Variants in WWOX observed in about 807,000 individuals in gnomAD.
WWOX encodes the protein WW domain-containing oxidoreductase.
Under a neutral mutation model 46.2 loss-of-function variants are expected in WWOX, and 69 were observed. That is an observed-to-expected ratio of 1.49 (90% CI 1.23 to 1.82). The LOEUF is 1.82. Among genes scored for constraint, WWOX ranks in the 40% most tolerant of loss-of-function variants. WWOX has a pLI of 0.00. For missense variants in WWOX, 919 were observed against 542.6 expected, an observed-to-expected ratio of 1.69 and a Z score of -6.89; for synonymous variants, 359 against 202.6, an observed-to-expected ratio of 1.77 and a Z score of -6.56.
intron 8 of WWOX, among the ~76,000 whole-genome samples, chr16:78,974,204 C>G (rs1567451523): frequency 6.6e-6 from 1 of 152,172 alleles, no homozygotes; most frequent in Non-Finnish European, 1.5e-5. Context: ...AGAAGGCAAG[C>G]GTACTCTTCA....
intron 8 of WWOX, among the ~76,000 whole-genome samples, chr16:78,974,328 G>A (rs11150123): frequency 0.46 from 70,530 of 151,986 alleles, 16,568 homozygotes; most frequent in African/African-American, 0.54. Flanking sequence ...ATAAAGCAGG[G>A]GAATTTTGTG....
chr16:78,100,240 A>T (rs2031673972), intron 1 of WWOX: 1 of 1,130,172 alleles, frequency 8.8e-7, no homozygotes, highest in Non-Finnish European at 1.1e-6. Context: ...TTGCAGGGAT[A>T]GGAGTTTTGT....
chr16:78,462,676 T>TGA (rs1361416567), intron 8 of WWOX, among the ~76,000 whole-genome samples: 4 of 152,202 alleles, frequency 2.6e-5, no homozygotes, highest in African/African-American at 9.6e-5. Context: ...AATAGAGTCA[T>TGA]AATTGGTGAT....
chr16:79,055,377 T>A (rs147907817), intron 8 of WWOX, among the ~76,000 whole-genome samples: 79 of 152,328 alleles, frequency 5.2e-4, no homozygotes, highest in Non-Finnish European at 9.8e-4. Context: ...GCTGCACTTA[T>A]TCGTTTGCTT....
At chr16:78,853,623 C>G (rs555162810) in intron 8 of WWOX, among the ~76,000 whole-genome samples, 11 of 152,182 alleles carry the variant, frequency 7.2e-5, no homozygotes, top group Non-Finnish European at 1.5e-4. Flanking sequence ...TCTGAAAAAC[C>G]TGTAGTACTT....
At chr16:78,779,166 T>C (rs2050264813) in intron 8 of WWOX, among the ~76,000 whole-genome samples, 1 of 152,180 alleles carries the variant, frequency 6.6e-6, no homozygotes, top group African/African-American at 2.4e-5. Context: ...TGTTTGTTTT[T>C]GAGACAGGGT....
In WWOX at chr16:78,344,365, TTAAA is replaced by T. The variant is rs1354718752; in HGVS notation, c.517-42488_517-42485del. On this transcript the variant is annotated intron_variant, in intron 5 of 8. Transcript: ENST00000566780. ...ATTTTTTTATTTGAAAGGTATTTGC[TTAAA>T]TAAATAGGCCATATAAATCTAGCTC... is the stretch of plus-strand genomic sequence containing the variant. Among the ~76,000 whole-genome samples, 6 of 121,340 alleles carry T rather than the reference TTAAA, an allele frequency of 4.9e-5. 1 individual carries two copies. The South Asian group carries it at 9.8e-4, about 20-fold the overall frequency. 79.6% of individuals were successfully genotyped at this position (121,340 alleles called of 152,430 possible).
chr16:78,273,532 C>G (rs113350395), intron 5 of WWOX, among the ~76,000 whole-genome samples: 1 of 152,098 alleles, frequency 6.6e-6, no homozygotes, highest in Admixed American at 6.5e-5. Context: ...GCAGAGTTGT[C>G]GAATGGTCAG....
At chr16:78,458,963 G>A (rs10514437) in intron 8 of WWOX, among the ~76,000 whole-genome samples, 6,530 of 152,094 alleles carry the variant, frequency 0.043, 338 homozygotes, top group East Asian at 0.15. Flanking sequence ...ATTTACTTCC[G>A]TCACAAAACT....
chr16:78,240,571 C>G (rs1359612668), intron 5 of WWOX, among the ~76,000 whole-genome samples: 2 of 152,136 alleles, frequency 1.3e-5, no homozygotes, highest in African/African-American at 4.8e-5. Context: ...TGTGCTGATA[C>G]GCTAGGGCAG....
At chr16:78,384,564 C>G (rs989666936) in intron 5 of WWOX, among the ~76,000 whole-genome samples, 2 of 152,036 alleles carry the variant, frequency 1.3e-5, no homozygotes, top group Non-Finnish European at 2.9e-5. Flanking sequence ...GGCAGTTGCC[C>G]TCTTTATAGG....
intron 8 of WWOX, among the ~76,000 whole-genome samples, chr16:78,921,464 C>T (rs1031521966): frequency 2.0e-5 from 3 of 152,180 alleles, no homozygotes; most frequent in South Asian, 2.1e-4. Flanking sequence ...AACAACAGCT[C>T]TTAATATCCT....
intron 8 of WWOX, among the ~76,000 whole-genome samples, chr16:78,708,484 A>G (rs1246838437): frequency 6.6e-6 from 1 of 152,148 alleles, no homozygotes; most frequent in Non-Finnish European, 1.5e-5. Flanking sequence ...TACCTTGGGA[A>G]ATGACTCTGT....
intron 6 of WWOX, among the ~76,000 whole-genome samples, chr16:78,392,981 G>C (rs1181024467): frequency 6.6e-6 from 1 of 152,084 alleles, no homozygotes; most frequent in Non-Finnish European, 1.5e-5. Flanking sequence ...AGCGGTCGTC[G>C]GCCAGTGTGT....
intron 4 of WWOX, among the ~76,000 whole-genome samples, chr16:78,154,423 G>C (rs1210296599): frequency 6.6e-6 from 1 of 150,982 alleles, no homozygotes; most frequent in Admixed American, 6.6e-5. Context: ...TTGCTTCATG[G>C]AGCTTCATCT....
intron 8 of WWOX, among the ~76,000 whole-genome samples, chr16:78,692,693 G>T (rs1000630937): frequency 7.9e-5 from 12 of 152,202 alleles, no homozygotes; most frequent in African/African-American, 2.7e-4. Flanking sequence ...TAAATAGGTT[G>T]TTTATGATCC....
Position 78,296,569 on chromosome 16 carries a change from C to A in WWOX, c.517-90291C>A, listed in dbSNP as rs77040436. On this transcript the variant is annotated intron_variant, in intron 5 of 8. Coordinates refer to ENST00000566780, the MANE Select transcript of WWOX (RefSeq NM_016373.4). Reference sequence around the variant, plus strand: ...ATTACATGTAGTACATGTATATCAACTTCAAGACATTGAGAACAACCATGT... The same window carrying A: ...ATTACATGTAGTACATGTATATCAAATTCAAGACATTGAGAACAACCATGT... 2.8e-4 allele frequency among the ~76,000 whole-genome samples: 42 copies of A among 151,402 alleles called. No homozygotes were observed. The East Asian group carries it at 8.0e-3, about 29-fold the overall frequency.
At chr16:78,118,216 T>TTACAAA (rs2032909243) in intron 4 of WWOX, among the ~76,000 whole-genome samples, 1 of 151,986 alleles carries the variant, frequency 6.6e-6, no homozygotes, top group East Asian at 1.9e-4. Context: ...ATCATTTTCC[T>TTACAAA]CTCTGCAGCT....
At chr16:78,394,939 CA>C (rs2082252337) in intron 6 of WWOX, among the ~76,000 whole-genome samples, 1 of 152,186 alleles carries the variant, frequency 6.6e-6, no homozygotes. Context: ...GAAAATCTCT[CA>C]GCGTCACTTT....
Sources: gnomAD v4.1 joint callset for allele counts (sites outside exome capture counted in the v4.1 genomes callset) on GRCh38, gnomAD v4.1.1 for gene constraint, MANE v1.5 for transcripts, NCBI Gene and HGNC (gene_info 2026-07-23, HGNC 2026-07-21) for gene names.